Variants in SCAI observed in about 807,000 individuals in gnomAD.
The protein encoded by SCAI is suppressor of cancer cell invasion.
A neutral mutation model predicts 92.2 loss-of-function variants in SCAI; 24 were observed. The ratio of observed to expected loss-of-function variants is 0.26; its 90% CI spans 0.19 to 0.37. The LOEUF (loss-of-function observed/expected upper bound fraction) is 0.37, where lower values mean the gene tolerates loss of function less well. Ranked by LOEUF, SCAI falls within the 10% of genes least tolerant of loss-of-function variation. The pLI is 1.00. For synonymous variants in SCAI, 261 were observed against 258.6 expected (o/e 1.01, Z -0.09); for missense variants, 450 against 736.2 (o/e 0.61, Z 4.50).
chr9:124,995,148 G>A, intron 13 of SCAI, 133 bp from the exon 14 acceptor site: 1 of 590,608 alleles, frequency 1.7e-6, no homozygotes, highest in South Asian at 2.6e-5. Flanking sequence ...TTAAGCAAAG[G>A]GGAAAAAAAG....
intron 13 of SCAI, among the ~76,000 whole-genome samples, chr9:124,997,882 A>C (rs1353372212): frequency 6.6e-6 from 1 of 151,782 alleles, no homozygotes; most frequent in Non-Finnish European, 1.5e-5. Context: ...TCTCAAAAAA[A>C]AAAAAAAAAG....
intron 2 of SCAI, among the ~76,000 whole-genome samples, chr9:125,083,348 T>A (rs1395416525): frequency 6.6e-6 from 1 of 151,906 alleles, no homozygotes; most frequent in Admixed American, 6.6e-5. Context: ...TGAAACCTCG[T>A]CTTTGCTAAA....
At chr9:125,019,074 C>T (rs1164250273) in intron 8 of SCAI, 33 bp downstream of exon 8, 1 of 1,538,122 alleles carries the variant, frequency 6.5e-7, no homozygotes, top group East Asian at 2.3e-5. Context: ...ATTTATTTAT[C>T]AATAATTATG....
At chr9:125,124,894 G>C (rs1460581725) in intron 2 of SCAI, among the ~76,000 whole-genome samples, 1 of 152,174 alleles carries the variant, frequency 6.6e-6, no homozygotes, top group East Asian at 1.9e-4. Flanking sequence ...ACTACCTTAC[G>C]GCCCTTCCCT....
At chr9:124,997,564 T>C (rs901270044) in intron 13 of SCAI, among the ~76,000 whole-genome samples, 2 of 152,120 alleles carry the variant, frequency 1.3e-5, no homozygotes, top group African/African-American at 4.8e-5. Flanking sequence ...GCCCAAGCAA[T>C]GAAGTTGTTA....
chr9:125,017,790 C>T (rs1383341744), intron 9 of SCAI, among the ~76,000 whole-genome samples: 9 of 152,072 alleles, frequency 5.9e-5, no homozygotes, highest in Non-Finnish European at 1.3e-4. Context: ...AGGAGGATCA[C>T]TTGAGGTCAG....
In SCAI at chr9:125,046,197, A is replaced by ATATATATATATATATATG. The variant is rs1491120012; in HGVS notation, c.230+9678_230+9679insCATATATATATATATATA. 7.9e-3 allele frequency among the ~76,000 whole-genome samples: 93 copies of ATATATATATATATATATG among 11,826 alleles called. 1 individual carries two copies. Among genetic ancestry groups the ATATATATATATATATATG allele is most frequent in the Non-Finnish European group, 0.014 (84 of 6,156 alleles). 7.8% of individuals were successfully genotyped at this position (11,826 alleles called of 152,430 possible). A position where few individuals can be genotyped will look rare whatever the true frequency, so the allele number is the denominator to read the frequency against. ...AACAAGTGAATAAAGAAATTGTGAG[A>ATATATATATATATATATG]TATATATATATATATATATATATAT... On this transcript the variant is annotated intron_variant, in intron 3 of 17. Transcript: ENST00000336505.
intron 17 of SCAI, among the ~76,000 whole-genome samples, chr9:124,966,758 G>T (rs551274996): frequency 4.2e-4 from 63 of 151,322 alleles, no homozygotes; most frequent in African/African-American, 1.5e-3. Context: ...CTTAGCTTCT[G>T]TTTATACTGT....
rs1001444563 is a variant in SCAI at position 125,129,904 on chromosome 9, C to CT, written c.98+12728dup. Among the ~76,000 whole-genome samples, 588 of 149,246 alleles carry CT rather than the reference C, an allele frequency of 3.9e-3. 5 individuals are homozygous for CT. The highest frequency in any genetic ancestry group is 0.018 in the Middle Eastern group (5 of 282). On this transcript the variant is annotated intron_variant, in intron 2 of 17. Coordinates refer to ENST00000336505, the MANE Select transcript of SCAI (RefSeq NM_001144877.3). ...TATGCTGCAGTTTTTCTTTTCTTTT[C>CT]TTTTTTTTTGTTGAGATGGAGTCTT...
intron 2 of SCAI, among the ~76,000 whole-genome samples, chr9:125,115,547 A>G (rs1029530229): frequency 6.6e-6 from 1 of 152,160 alleles, no homozygotes; most frequent in African/African-American, 2.4e-5. Context: ...GGAGTATATC[A>G]ATATGCATCA....
intron 2 of SCAI, among the ~76,000 whole-genome samples, chr9:125,107,969 T>C (rs1834837101): frequency 6.6e-6 from 1 of 152,172 alleles, no homozygotes; most frequent in Non-Finnish European, 1.5e-5. Flanking sequence ...ACCCCTGCGA[T>C]TGCAGGCGCG....
intron 3 of SCAI, among the ~76,000 whole-genome samples, chr9:125,045,672 T>C (rs1833419244): frequency 6.6e-6 from 1 of 152,200 alleles, no homozygotes; most frequent in Non-Finnish European, 1.5e-5. Flanking sequence ...CGTCTGTGTT[T>C]GGAATCCTTA....
chr9:124,971,494 G>T, intron 16 of SCAI, 24 bp from the exon 17 acceptor site: 1 of 1,543,118 alleles, frequency 6.5e-7, no homozygotes, highest in Non-Finnish European at 8.9e-7. Flanking sequence ...AAAAGTGACA[G>T]TAAAAAGATG....
intron 2 of SCAI, among the ~76,000 whole-genome samples, chr9:125,099,528 C>T (rs1000596127): frequency 1.4e-4 from 22 of 152,082 alleles, no homozygotes; most frequent in Non-Finnish European, 2.5e-4. Flanking sequence ...GTGATGCACC[C>T]GCCTCAGCCT....
intron 2 of SCAI, among the ~76,000 whole-genome samples, chr9:125,062,679 T>TG (rs1833792533): frequency 7.3e-6 from 1 of 136,754 alleles, no homozygotes; most frequent in Non-Finnish European, 1.6e-5. Flanking sequence ...CGCTTGAATC[T>TG]GGGAGGCGGG....
intron 9 of SCAI, among the ~76,000 whole-genome samples, chr9:125,018,517 T>C (rs1832807709): frequency 1.3e-5 from 2 of 152,356 alleles, no homozygotes; most frequent in Admixed American, 1.3e-4. Flanking sequence ...CCTGTGTGCA[T>C]ACATATAGAC....
chr9:124,975,767 C>A (rs140085677), intron 15 of SCAI, among the ~76,000 whole-genome samples: 1 of 152,128 alleles, frequency 6.6e-6, no homozygotes, highest in Non-Finnish European at 1.5e-5. Flanking sequence ...TTAAAACATG[C>A]CTGCAAAGGT....
chr9:125,078,450 C>T (rs369242509), intron 2 of SCAI, among the ~76,000 whole-genome samples: 2 of 152,108 alleles, frequency 1.3e-5, no homozygotes, highest in East Asian at 1.9e-4. Flanking sequence ...ATCGCTTGAA[C>T]CCAGGAGGTG....
intron 2 of SCAI, among the ~76,000 whole-genome samples, chr9:125,105,403 G>T (rs569614393): frequency 2.0e-5 from 3 of 152,170 alleles, no homozygotes; most frequent in African/African-American, 7.2e-5. Context: ...CATGATACTG[G>T]GCAAACTATC....
Sources: allele counts gnomAD v4.1 joint callset (sites outside exome capture counted in the v4.1 genomes callset), GRCh38; gene constraint gnomAD v4.1.1; transcripts MANE v1.5; gene names NCBI Gene and HGNC (gene_info 2026-07-23, HGNC 2026-07-21).